The following CDK13 variants were observed in gnomAD, a reference collection of about 807,000 sequenced individuals.
The protein encoded by CDK13 is cyclin dependent kinase 13.
A neutral mutation model predicts 137.6 loss-of-function variants in CDK13; 40 were observed. The ratio of observed to expected loss-of-function variants is 0.29; its 90% CI spans 0.23 to 0.38. The LOEUF is 0.38. Ranked by LOEUF, CDK13 falls within the 10% of genes least tolerant of loss-of-function variation. CDK13 has a pLI of 1.00. For synonymous variants in CDK13, 869 were observed against 760.1 expected (o/e 1.14, Z -2.36); for missense variants, 1,704 against 1,951.8 (o/e 0.87, Z 2.39).
chr7:40,092,492 G>T (rs540970888), intron 12 of CDK13: 39 of 336,116 alleles, frequency 1.2e-4, no homozygotes, highest in African/African-American at 8.0e-4. Context: ...CATTCACAAT[G>T]TGCTGTTTCC....
intron 1 of CDK13, among the ~76,000 whole-genome samples, chr7:39,974,556 CT>C (rs59844316): frequency 0.97 from 128,645 of 133,174 alleles, 62,073 homozygotes; most frequent in South Asian, 0.99. Context: ...TTCTTTTTTT[CT>C]TTTTTTTTTT....
intron 2 of CDK13, among the ~76,000 whole-genome samples, chr7:39,990,248 A>G (rs1054345516): frequency 1.3e-4 from 19 of 149,198 alleles, no homozygotes; most frequent in African/African-American, 4.4e-4. Context: ...TTTTTGATTC[A>G]CCTTTTCTGT....
intron 11 of CDK13, among the ~76,000 whole-genome samples, chr7:40,087,545 T>G (rs1382465365): frequency 2.4e-5 from 3 of 123,602 alleles, no homozygotes; most frequent in Admixed American, 8.2e-5. Context: ...GCAATAGTGG[T>G]GTTTTTTTTT....
rs946488812 is a variant in CDK13 at position 39,951,293 on chromosome 7, C to A, written c.652C>A (p.Arg218=). The change falls in exon 1 of 14, where the codon CGG becomes AGG. Residue 218 remains arginine, a synonymous_variant. Coordinates refer to ENST00000181839, the MANE Select transcript of CDK13 (RefSeq NM_003718.5). Reference sequence around the variant, plus strand: ...CAAGGAGCGCCACCGCGAGCACCGGCGGCGGGATGGGCAGCGCGGTGGCAG... The same window carrying A: ...CAAGGAGCGCCACCGCGAGCACCGGAGGCGGGATGGGCAGCGCGGTGGCAG... ...RSKERHREHR[R]RDGQRGGSEA... The A allele has an allele frequency of 5.9e-6, 8 of 1,365,396 alleles. No homozygotes were observed. In the Admixed American group the frequency reaches 2.4e-4, roughly 40 times the overall value. 84.6% of individuals were successfully genotyped at this position (1,365,396 alleles called of 1,614,324 possible).
intron 5 of CDK13, among the ~76,000 whole-genome samples, chr7:40,038,673 A>C (rs1448270180): frequency 6.6e-6 from 1 of 151,924 alleles, no homozygotes; most frequent in East Asian, 1.9e-4. Flanking sequence ...TATCTTGGTC[A>C]AGTTTTAGTT....
chr7:40,021,268 G>A (rs1418333955), intron 5 of CDK13, among the ~76,000 whole-genome samples: 3 of 151,998 alleles, frequency 2.0e-5, no homozygotes, highest in Admixed American at 6.6e-5. Context: ...AGGCTGAGGC[G>A]GGTGGATCAC....
At chr7:40,045,696 G>T in intron 5 of CDK13, 140 bp from the exon 6 acceptor site, 1 of 552,344 alleles carries the variant, frequency 1.8e-6, no homozygotes, top group Non-Finnish European at 3.1e-6. Context: ...AGAGAAAGAT[G>T]AATGTTATTA....
intron 5 of CDK13, among the ~76,000 whole-genome samples, chr7:40,008,905 A>G (rs1369929520): frequency 6.6e-6 from 1 of 152,186 alleles, no homozygotes; most frequent in Non-Finnish European, 1.5e-5. Flanking sequence ...CAAATTTACA[A>G]TTAAGGTATA....
chr7:40,068,615 C>G (rs1786336884), intron 9 of CDK13, among the ~76,000 whole-genome samples: 1 of 143,752 alleles, frequency 7.0e-6, no homozygotes. Context: ...CATCCTGCCT[C>G]AGGTAGCTTG....
At chr7:40,028,035 T>C (rs1297606563) in intron 5 of CDK13, among the ~76,000 whole-genome samples, 11 of 150,904 alleles carry the variant, frequency 7.3e-5, no homozygotes. Flanking sequence ...TTAGTGTACA[T>C]TGGGTTTTCT....
At chr7:40,025,234 ATAC>A (rs2150500092) in intron 5 of CDK13, among the ~76,000 whole-genome samples, 1 of 152,286 alleles carries the variant, frequency 6.6e-6, no homozygotes, top group East Asian at 1.9e-4. Flanking sequence ...AAGCATTATA[ATAC>A]TACAGTTACT....
intron 5 of CDK13, among the ~76,000 whole-genome samples, chr7:40,031,980 C>T (rs1027894875): frequency 1.3e-5 from 2 of 151,876 alleles, no homozygotes; most frequent in South Asian, 2.1e-4. Context: ...AGCCACCATG[C>T]CTAGTGGATA....
In CDK13 at chr7:39,950,839, GGCCGCCGCCGCAGCC is replaced by G; in HGVS notation, c.210_224del (p.Ala72_Ala76del). On this transcript the variant is annotated inframe_deletion, in exon 1 of 14. Transcript: ENST00000181839. The stretch of plus-strand genomic sequence containing the variant: ...TGCTCTTCCTGGCTGCTCCCGGCAC[GGCCGCCGCCGCAGCC>G]GCCGCCGCCGCGGCCTCCTCCTCTT... 1.4e-6 allele frequency: 2 copies of G among 1,381,584 alleles called. No individual in the cohort carries two copies. The highest frequency in any genetic ancestry group is 9.3e-7 in the Non-Finnish European group (1 of 1,078,198). 85.6% of individuals were successfully genotyped at this position (1,381,584 alleles called of 1,614,324 possible).
chr7:40,059,312 C>T (rs1786088865), intron 7 of CDK13: 1 of 152,666 alleles, frequency 6.6e-6, no homozygotes, highest in Admixed American at 6.5e-5. Flanking sequence ...CTCATCTTCC[C>T]TGCCCTCCAT....
chr7:40,011,258 T>C (rs1474884845), intron 5 of CDK13, among the ~76,000 whole-genome samples: 1 of 152,190 alleles, frequency 6.6e-6, no homozygotes, highest in East Asian at 1.9e-4. Flanking sequence ...GCACGTTTGC[T>C]CATGCCCATA....
intron 9 of CDK13, among the ~76,000 whole-genome samples, chr7:40,064,896 A>G (rs1186538320): frequency 2.0e-5 from 3 of 149,576 alleles, no homozygotes; most frequent in African/African-American, 7.4e-5. Flanking sequence ...GAGCCAAACA[A>G]TCCTCCTGCC....
chr7:40,092,942 T>A lies in CDK13; in HGVS notation c.3393T>A (p.Leu1131=). The A allele has an allele frequency of 6.2e-7, 1 of 1,614,194 alleles. No homozygotes were observed. Among genetic ancestry groups the A allele is most frequent in the Non-Finnish European group, 8.5e-7 (1 of 1,180,034 alleles). The change falls in exon 13 of 14, where the codon CTT becomes CTA. Residue 1131 remains leucine (L), a synonymous_variant. Coordinates refer to ENST00000181839, the MANE Select transcript of CDK13 (RefSeq NM_003718.5). ...ETQQQLNKIN[L]PAGILATGEK... ...AACAGCAGCTAAATAAAATAAACCT[T>A]CCTGCTGGAATTTTGGCAACAGGTG...
intron 2 of CDK13, among the ~76,000 whole-genome samples, chr7:39,989,411 T>A (rs927696646): frequency 2.6e-5 from 4 of 151,918 alleles, no homozygotes; most frequent in African/African-American, 7.3e-5. Flanking sequence ...TTTTTTTTTT[T>A]AATAGATTTT....
chr7:40,003,480 G>A (rs912292607), intron 5 of CDK13, among the ~76,000 whole-genome samples: 2 of 152,106 alleles, frequency 1.3e-5, no homozygotes, highest in African/African-American at 4.8e-5. Flanking sequence ...AAATTAGAAT[G>A]TCTGGGTCTT....
Sources: gnomAD v4.1 joint callset for allele counts (sites outside exome capture counted in the v4.1 genomes callset) on GRCh38, gnomAD v4.1.1 for gene constraint, MANE v1.5 for transcripts, NCBI Gene and HGNC (gene_info 2026-07-23, HGNC 2026-07-21) for gene names.